The following RBM18 variants were observed in gnomAD, a reference collection of about 807,000 sequenced individuals.
RBM18 encodes probable RNA-binding protein 18.
RBM18 carries 18 observed loss-of-function variants against 26.4 expected under a neutral mutation model. The observed-to-expected ratio is 0.68, with a 90% CI of 0.47 to 1.01. The LOEUF is 1.01. Ranked by LOEUF, RBM18 falls within the 50% of genes least tolerant of loss-of-function variation. The probability of loss-of-function intolerance (pLI) is 0.00; values close to 1 mark genes in which losing one functional copy is unlikely to be tolerated. For synonymous variants in RBM18, 74 were observed against 81.1 expected (o/e 0.91, Z 0.47); for missense variants, 180 against 219.2 (o/e 0.82, Z 1.13).
chr9:122,241,161 A>G lies in RBM18; in HGVS notation c.*723T>C, dbSNP rs1413335060. 1 of 152,242 alleles carries G rather than the reference A, an allele frequency of 6.6e-6. No homozygotes were observed. The highest frequency in any genetic ancestry group is 2.4e-5 in the African/African-American group (1 of 41,468). 9.4% of individuals were successfully genotyped at this position (152,242 alleles called of 1,614,324 possible). A position where few individuals can be genotyped will look rare whatever the true frequency, so the allele number is the denominator to read the frequency against. ...GCATGGTTATTTAGATTTGAAAAAA[A>G]TGGTTGCTATAGAATAAAAGTTCAA... is the stretch of plus-strand genomic sequence containing the variant. On this transcript the variant is annotated 3_prime_UTR_variant, in exon 6 of 6. Coordinates refer to ENST00000417201, the MANE Select transcript of RBM18 (RefSeq NM_033117.4).
rs1039783463 is a variant in RBM18, at chr9:122,255,196, G to C, written c.114-3223C>G. ...TGGATATAGAAATTACTATGAGATG[G>C]GTCTTTATGTTTTATGATAAGTACA... On this transcript the variant is annotated intron_variant, in intron 2 of 5. Coordinates refer to ENST00000417201, the MANE Select transcript of RBM18 (RefSeq NM_033117.4). Among the ~76,000 whole-genome samples, 4 of 152,018 alleles carry C rather than the reference G, an allele frequency of 2.6e-5. No individual in the cohort carries two copies. In the East Asian group the frequency reaches 7.7e-4, roughly 29 times the overall value.
intron 2 of RBM18, among the ~76,000 whole-genome samples, chr9:122,256,425 T>G (rs1273850567): frequency 1.3e-5 from 2 of 152,258 alleles, no homozygotes; most frequent in East Asian, 3.8e-4. Context: ...TTTGGCATTT[T>G]ACACAGCACA....
chr9:122,260,357 A>AAAAC (rs1298762659), intron 2 of RBM18, among the ~76,000 whole-genome samples: 1 of 152,194 alleles, frequency 6.6e-6, no homozygotes, highest in South Asian at 2.1e-4. Flanking sequence ...AACAAAAACA[A>AAAAC]AAACAAACAA....
chr9:122,259,010 A>G (rs1272307157), intron 2 of RBM18, among the ~76,000 whole-genome samples: 1 of 152,094 alleles, frequency 6.6e-6, no homozygotes, highest in Non-Finnish European at 1.5e-5. Context: ...AGCCACAGGG[A>G]AAGCCCAGCA....
intron 2 of RBM18, among the ~76,000 whole-genome samples, chr9:122,253,578 G>C (rs562933564): frequency 6.6e-6 from 1 of 152,256 alleles, no homozygotes; most frequent in East Asian, 1.9e-4. Flanking sequence ...CTTACAGCAA[G>C]GGTGAGTCTC....
chr9:122,241,598 T>C lies in RBM18; in HGVS notation c.*286A>G, dbSNP rs185272675. ...ATTTGCCTTTTGCTCTGGCACACTATAGAATGTTTCTGGAGTTACAAATCC... is the reference window on the plus strand; with the variant it reads ...ATTTGCCTTTTGCTCTGGCACACTACAGAATGTTTCTGGAGTTACAAATCC... On this transcript the variant is annotated 3_prime_UTR_variant, in exon 6 of 6. Transcript: ENST00000417201. 4.0e-4 allele frequency: 116 copies of C among 293,442 alleles called. No individual in the cohort carries two copies. Among genetic ancestry groups the C allele is most frequent in the African/African-American group, 2.0e-3 (92 of 46,384 alleles). The allele number at this position is 293,442 out of a possible 1,614,324, so 18.2% of individuals were successfully genotyped here.
chr9:122,263,703 A>G (rs1036753032), intron 1 of RBM18, among the ~76,000 whole-genome samples: 1 of 152,218 alleles, frequency 6.6e-6, no homozygotes, highest in Non-Finnish European at 1.5e-5. Flanking sequence ...AGGCCTCTCT[A>G]AAGGAGATGA....
chr9:122,245,188 A>G, intron 5 of RBM18, 68 bp downstream of exon 5: 1 of 898,204 alleles, frequency 1.1e-6, no homozygotes. Flanking sequence ...TTTATGAACG[A>G]AGACATGGAA....
chr9:122,255,301 G>C (rs756101786), intron 2 of RBM18, among the ~76,000 whole-genome samples: 1 of 152,160 alleles, frequency 6.6e-6, no homozygotes. Flanking sequence ...GACATAAAAA[G>C]AAGTATGGAC....
At chr9:122,260,422 T>A (rs1348667590) in intron 2 of RBM18, among the ~76,000 whole-genome samples, 1 of 152,168 alleles carries the variant, frequency 6.6e-6, no homozygotes, top group Non-Finnish European at 1.5e-5. Context: ...ATCCACTCAT[T>A]GTACTCTGCC....
At chr9:122,247,880 G>T in intron 3 of RBM18, among the ~76,000 whole-genome samples, 1 of 150,672 alleles carries the variant, frequency 6.6e-6, no homozygotes, top group East Asian at 2.0e-4. Context: ...CGCCTCCCAG[G>T]TTCAAGCGCT....
chr9:122,261,548 A>G, intron 1 of RBM18, 40 bp from the exon 2 acceptor site: 2 of 1,265,386 alleles, frequency 1.6e-6, no homozygotes, highest in Non-Finnish European at 2.3e-6. Flanking sequence ...GGGGAGTAAC[A>G]ATGTGTGAAC....
chr9:122,249,250 T>C (rs1172130538), intron 3 of RBM18, among the ~76,000 whole-genome samples: 2 of 152,214 alleles, frequency 1.3e-5, no homozygotes, highest in Non-Finnish European at 2.9e-5. Flanking sequence ...GAAGGATATG[T>C]ATTTTTAATC....
chr9:122,245,241 A>G lies in RBM18; in HGVS notation c.413+15T>C. On this transcript the variant is annotated intron_variant, in intron 5 of 5. Coordinates refer to ENST00000417201, the MANE Select transcript of RBM18 (RefSeq NM_033117.4). The stretch of plus-strand genomic sequence containing the variant: ...CTCCTGAATTACTGTGTCTTTCTAT[A>G]GTACATCATCTTACCTTAGGTTAGA... The G allele has an allele frequency of 6.8e-7, 1 of 1,480,236 alleles. No homozygotes were observed. The highest frequency in any genetic ancestry group is 1.7e-5 in the Admixed American group (1 of 58,108). 91.7% of individuals were successfully genotyped at this position (1,480,236 alleles called of 1,614,324 possible).
chr9:122,263,124 G>C (rs1265834497), intron 1 of RBM18, among the ~76,000 whole-genome samples: 3 of 152,132 alleles, frequency 2.0e-5, no homozygotes, highest in Admixed American at 6.5e-5. Context: ...AGGAACCATG[G>C]AGGCAGTCAC....
chr9:122,254,286 G>A (rs892462614), intron 2 of RBM18: 15 of 928,020 alleles, frequency 1.6e-5, no homozygotes, highest in African/African-American at 1.6e-4. Flanking sequence ...TAAGATTCCA[G>A]GAACATCTGC....
intron 2 of RBM18, among the ~76,000 whole-genome samples, chr9:122,257,461 T>A (rs556515086): frequency 6.6e-6 from 1 of 152,264 alleles, no homozygotes; most frequent in East Asian, 1.9e-4. Flanking sequence ...TGGTCAATAT[T>A]ACAACCACAG....
chr9:122,257,389 G>A (rs193095495), intron 2 of RBM18, among the ~76,000 whole-genome samples: 140 of 152,134 alleles, frequency 9.2e-4, no homozygotes, highest in African/African-American at 3.2e-3. Flanking sequence ...CTCGTGATCC[G>A]CCCGCCTCTG....
At chr9:122,256,932 CAG>C (rs1564458387) in intron 2 of RBM18, among the ~76,000 whole-genome samples, 4 of 152,142 alleles carry the variant, frequency 2.6e-5, no homozygotes, top group African/African-American at 9.7e-5. Flanking sequence ...TGACAGGAAT[CAG>C]AATATAGTGG....
Sources: gnomAD v4.1 joint callset for allele counts (sites outside exome capture counted in the v4.1 genomes callset) on GRCh38, gnomAD v4.1.1 for gene constraint, MANE v1.5 for transcripts, NCBI Gene and HGNC (gene_info 2026-07-23, HGNC 2026-07-21) for gene names.